The following UNC5D variants were observed in gnomAD, a reference collection of about 807,000 sequenced individuals.
UNC5D encodes the protein netrin receptor UNC5D.
UNC5D carries 39 observed loss-of-function variants against 105.4 expected under a neutral mutation model. The observed-to-expected ratio is 0.37, with a 90% confidence interval of 0.29 to 0.48. UNC5D has a LOEUF of 0.48. Ranked by LOEUF, UNC5D falls within the 20% of genes least tolerant of loss-of-function variation. The pLI is 0.98. For missense variants in UNC5D, 991 were observed against 1,202.4 expected (o/e 0.82, Z 2.60); for synonymous variants, 452 against 450.4 (o/e 1.00, Z -0.04).
intron 4 of UNC5D, among the ~76,000 whole-genome samples, chr8:35,669,597 C>T (rs1267939566): frequency 1.3e-5 from 2 of 152,074 alleles, no homozygotes; most frequent in African/African-American, 2.4e-5. Context: ...TTCTCCCTGC[C>T]ATTGTTACAG....
chr8:35,397,515 G>A (rs1804183325), intron 1 of UNC5D, among the ~76,000 whole-genome samples: 1 of 152,102 alleles, frequency 6.6e-6, no homozygotes, highest in Admixed American at 6.6e-5. Context: ...TTGCTTGCCG[G>A]AAGTGTAATT....
intron 11 of UNC5D, 134 bp from the exon 12 acceptor site, chr8:35,748,393 C>A (rs1219606926): frequency 1.1e-5 from 10 of 917,706 alleles, no homozygotes; most frequent in Non-Finnish European, 1.4e-5. Context: ...CCAGACCAGT[C>A]CTTTGTAAAA....
At chr8:35,527,971 G>A (rs1255165536) in intron 1 of UNC5D, among the ~76,000 whole-genome samples, 1 of 151,798 alleles carries the variant, frequency 6.6e-6, no homozygotes, top group Non-Finnish European at 1.5e-5. Context: ...CAGTGGGAAG[G>A]GGAAGGATAC....
intron 1 of UNC5D, among the ~76,000 whole-genome samples, chr8:35,358,360 G>A (rs1469915194): frequency 6.6e-6 from 1 of 152,100 alleles, no homozygotes; most frequent in Admixed American, 6.6e-5. Context: ...ACATGGATGA[G>A]CTGGAAGCCA....
chr8:35,437,086 G>T (rs1165392586), intron 1 of UNC5D, among the ~76,000 whole-genome samples: 4 of 151,698 alleles, frequency 2.6e-5, no homozygotes, highest in African/African-American at 9.7e-5. Flanking sequence ...GAAATTTCCT[G>T]CCTCAGCTTC....
chr8:35,472,902 A>C lies in UNC5D; in HGVS notation c.104-76390A>C, dbSNP rs148762990. The stretch of plus-strand genomic sequence containing the variant: ...ATCCCGGGATGAAAGCGTTTCATCC[A>C]AATGTTGGATTTTCCACAGGTGGTC... On this transcript the variant is annotated intron_variant, in intron 1 of 16. Coordinates refer to ENST00000404895, the MANE Select transcript of UNC5D (RefSeq NM_080872.4). Among the ~76,000 whole-genome samples, 353 of 152,300 alleles carry C rather than the reference A, an allele frequency of 2.3e-3. 2 individuals carry two copies. Among genetic ancestry groups the C allele is most frequent in the African/African-American group, 8.0e-3 (333 of 41,576 alleles).
chr8:35,614,909 C>T (rs927982778), intron 4 of UNC5D, among the ~76,000 whole-genome samples: 8 of 151,860 alleles, frequency 5.3e-5, no homozygotes, highest in Middle Eastern at 3.2e-3. Context: ...GAAGCATGGA[C>T]GTTAGAATTA....
chr8:35,396,498 T>G (rs900574268), intron 1 of UNC5D, among the ~76,000 whole-genome samples: 7 of 147,136 alleles, frequency 4.8e-5, no homozygotes, highest in African/African-American at 1.7e-4. Flanking sequence ...TTTATTTTCT[T>G]TTTTTTTTTT....
chr8:35,316,508 A>C (rs1809317040), intron 1 of UNC5D, among the ~76,000 whole-genome samples: 1 of 152,174 alleles, frequency 6.6e-6, no homozygotes, highest in South Asian at 2.1e-4. Flanking sequence ...CCATCTGCCA[A>C]ACTAACTTGC....
intron 1 of UNC5D, among the ~76,000 whole-genome samples, chr8:35,492,196 A>G (rs1222228119): frequency 6.6e-6 from 1 of 152,022 alleles, no homozygotes; most frequent in Non-Finnish European, 1.5e-5. Context: ...GTTTAGGTCA[A>G]ATGCAACAGA....
chr8:35,670,748 T>C (rs1414249673), intron 4 of UNC5D, among the ~76,000 whole-genome samples: 3 of 151,622 alleles, frequency 2.0e-5, no homozygotes, highest in Admixed American at 6.6e-5. Context: ...TTAGGACAAA[T>C]ACCTAATGCA....
intron 2 of UNC5D, among the ~76,000 whole-genome samples, chr8:35,551,585 C>T (rs939039303): frequency 5.9e-5 from 9 of 151,930 alleles, no homozygotes; most frequent in Non-Finnish European, 1.2e-4. Context: ...TTTGGGAGGC[C>T]GAGGTGGGTG....
At chr8:35,325,216 A>G (rs762115870) in intron 1 of UNC5D, among the ~76,000 whole-genome samples, 3 of 152,162 alleles carry the variant, frequency 2.0e-5, no homozygotes, top group Non-Finnish European at 2.9e-5. Flanking sequence ...TTAACCAGCT[A>G]ACTTTTAAAC....
At chr8:35,501,973 A>AT (rs1441832868) in intron 1 of UNC5D, among the ~76,000 whole-genome samples, 3 of 152,210 alleles carry the variant, frequency 2.0e-5, no homozygotes, top group African/African-American at 4.8e-5. Flanking sequence ...AAGTTTGAGT[A>AT]TTTTTAAATT....
At chr8:35,496,298 A>G (rs1297268768) in intron 1 of UNC5D, among the ~76,000 whole-genome samples, 3 of 152,160 alleles carry the variant, frequency 2.0e-5, no homozygotes, top group Non-Finnish European at 4.4e-5. Flanking sequence ...GCTGAGGTCA[A>G]TTTAAGGAAT....
intron 1 of UNC5D, among the ~76,000 whole-genome samples, chr8:35,302,533 G>A (rs1808035956): frequency 6.6e-6 from 1 of 152,176 alleles, no homozygotes; most frequent in Non-Finnish European, 1.5e-5. Context: ...ATAAGGGTTG[G>A]GTTGTGCACG....
intron 1 of UNC5D, among the ~76,000 whole-genome samples, chr8:35,524,593 ATATT>A (rs1395231011): frequency 7.1e-6 from 1 of 139,926 alleles, no homozygotes; most frequent in Non-Finnish European, 1.5e-5. Flanking sequence ...TTTCATATAT[ATATT>A]TAAAGTTAAG....
chr8:35,695,950 GT>G (rs1826742979), intron 7 of UNC5D, among the ~76,000 whole-genome samples: 1 of 151,948 alleles, frequency 6.6e-6, no homozygotes, highest in Non-Finnish European at 1.5e-5. Context: ...GGCCAAGCTG[GT>G]CTCACACTCC....
chr8:35,624,316 T>G (rs1821562518), intron 4 of UNC5D, among the ~76,000 whole-genome samples: 1 of 152,220 alleles, frequency 6.6e-6, no homozygotes, highest in South Asian at 2.1e-4. Context: ...CTTCTAATTT[T>G]TAAGAATATC....
Sources: allele counts gnomAD v4.1 joint callset (sites outside exome capture counted in the v4.1 genomes callset), GRCh38; gene constraint gnomAD v4.1.1; transcripts MANE v1.5; gene names NCBI Gene and HGNC (gene_info 2026-07-23, HGNC 2026-07-21).